Variants in HDAC9 observed in about 807,000 individuals in gnomAD.
HDAC9 encodes the protein histone deacetylase 9.
HDAC9 carries 41 observed loss-of-function variants against 139.4 expected under a neutral mutation model. The observed-to-expected ratio is 0.29, with a 90% CI of 0.23 to 0.38. The LOEUF is 0.38. Ranked by LOEUF, HDAC9 falls within the 10% of genes least tolerant of loss-of-function variation. The probability of loss-of-function intolerance (pLI) is 1.00; values close to 1 mark genes in which losing one functional copy is unlikely to be tolerated. For synonymous variants in HDAC9, 517 were observed against 476.2 expected, an observed-to-expected ratio of 1.09 and a Z score of -1.12; for missense variants, 1,147 against 1,297.0, an observed-to-expected ratio of 0.88 and a Z score of 1.78.
At chr7:18,728,462 C>T (rs531652338) in intron 13 of HDAC9, among the ~76,000 whole-genome samples, 7 of 151,658 alleles carry the variant, frequency 4.6e-5, no homozygotes, top group Non-Finnish European at 1.0e-4. Context: ...GTGCTATTCC[C>T]TCTGCAAAGG....
At chr7:18,616,507 A>G (rs17139451) in intron 6 of HDAC9, among the ~76,000 whole-genome samples, 4,485 of 152,270 alleles carry the variant, frequency 0.029, 174 homozygotes, top group African/African-American at 0.083. Context: ...TTTGCCTTTT[A>G]TATCCATTCA....
intron 21 of HDAC9, among the ~76,000 whole-genome samples, chr7:18,863,790 G>A (rs1021964883): frequency 6.6e-5 from 10 of 152,176 alleles, no homozygotes; most frequent in Non-Finnish European, 1.3e-4. Context: ...GGGTTGTCAG[G>A]AGAAGGTCTT....
chr7:18,325,667 T>C (rs534319655), intron 1 of HDAC9: 4 of 151,950 alleles, frequency 2.6e-5, no homozygotes, highest in Non-Finnish European at 5.9e-5. Context: ...TCACATGGTC[T>C]AGTGTAATCT....
intron 24 of HDAC9, among the ~76,000 whole-genome samples, chr7:18,975,375 A>G (rs1213276148): frequency 6.6e-6 from 1 of 152,162 alleles, no homozygotes; most frequent in Non-Finnish European, 1.5e-5. Flanking sequence ...TAATATTCCA[A>G]CTTCATTTTC....
At chr7:18,918,687 C>A (rs1012822217) in intron 22 of HDAC9, among the ~76,000 whole-genome samples, 1 of 152,000 alleles carries the variant, frequency 6.6e-6, no homozygotes, top group Non-Finnish European at 1.5e-5. Flanking sequence ...CCGCATAGCT[C>A]TACAAATTGT....
chr7:18,918,534 T>A (rs940677681), intron 22 of HDAC9, among the ~76,000 whole-genome samples: 1 of 152,058 alleles, frequency 6.6e-6, no homozygotes, highest in Non-Finnish European at 1.5e-5. Context: ...TTTTAGACTT[T>A]TTTCAGGTGA....
chr7:18,907,960 T>C (rs1802411756), intron 22 of HDAC9, among the ~76,000 whole-genome samples: 1 of 152,172 alleles, frequency 6.6e-6, no homozygotes. Context: ...TTAGCCATTT[T>C]TACAGTGATT....
At chr7:18,733,062 T>C (rs1249790308) in intron 13 of HDAC9, among the ~76,000 whole-genome samples, 1 of 146,094 alleles carries the variant, frequency 6.8e-6, no homozygotes, top group Non-Finnish European at 1.5e-5. Context: ...CATGTGTATA[T>C]ACGTATATAC....
chr7:18,365,280 G>GTAAATAA (rs1784092831), intron 1 of HDAC9, among the ~76,000 whole-genome samples: 1 of 152,072 alleles, frequency 6.6e-6, no homozygotes, highest in Non-Finnish European at 1.5e-5. Flanking sequence ...GATCTAGTGT[G>GTAAATAA]AACTCTGATA....
intron 1 of HDAC9, among the ~76,000 whole-genome samples, chr7:18,409,466 A>C (rs1333712784): frequency 1.3e-5 from 2 of 152,130 alleles, no homozygotes; most frequent in Non-Finnish European, 2.9e-5. Flanking sequence ...GCATAGAAGA[A>C]AATAATTAGC....
In HDAC9 at chr7:18,832,885, G is replaced by A. The variant is rs1026151026; in HGVS notation, c.2467-2582G>A. Among the ~76,000 whole-genome samples the A allele has an allele frequency of 5.9e-5, 9 of 152,122 alleles. No individual in the cohort carries two copies. In the East Asian group the frequency reaches 9.7e-4, roughly 16 times the overall value. Reference sequence around the variant, plus strand: ...CGAGTAGCTGGGATTACAGGCATGCGCCACCATACCCAGCTAATTTTTGTA... The same window carrying A: ...CGAGTAGCTGGGATTACAGGCATGCACCACCATACCCAGCTAATTTTTGTA... On this transcript the variant is annotated intron_variant, in intron 19 of 25. Transcript: ENST00000686413.
intron 2 of HDAC9, chr7:18,578,224 G>T (rs375421529): frequency 3.9e-6 from 2 of 519,044 alleles, no homozygotes; most frequent in Admixed American, 1.9e-5. Flanking sequence ...GGCTTCTTCT[G>T]AGCAGTAGTG....
At chr7:18,159,586 C>T (rs536586699) in intron 1 of HDAC9, among the ~76,000 whole-genome samples, 101 of 152,178 alleles carry the variant, frequency 6.6e-4, no homozygotes, top group African/African-American at 2.1e-3. Context: ...CATATATAGC[C>T]TATGATGTAT....
chr7:18,352,158 G>A (rs1342704929), intron 1 of HDAC9, among the ~76,000 whole-genome samples: 1 of 152,176 alleles, frequency 6.6e-6, no homozygotes, highest in Non-Finnish European at 1.5e-5. Context: ...AGTTATCTCT[G>A]AGGATCCTCA....
chr7:18,116,869 C>G (rs748878558), intron 1 of HDAC9, among the ~76,000 whole-genome samples: 8 of 152,104 alleles, frequency 5.3e-5, no homozygotes, highest in Non-Finnish European at 1.2e-4. Context: ...AATAAATGTG[C>G]TAAATTTGAT....
intron 21 of HDAC9, among the ~76,000 whole-genome samples, chr7:18,843,600 C>G (rs1796722234): frequency 6.6e-6 from 1 of 151,922 alleles, no homozygotes; most frequent in South Asian, 2.1e-4. Flanking sequence ...GTTACTTATC[C>G]TTTACTTCAT....
intron 1 of HDAC9, among the ~76,000 whole-genome samples, chr7:18,483,644 T>C (rs994682168): frequency 3.9e-5 from 6 of 152,220 alleles, no homozygotes; most frequent in Non-Finnish European, 8.8e-5. Flanking sequence ...TGGATACACA[T>C]AAGAACTTCT....
upstream of HDAC9, among the ~76,000 whole-genome samples, chr7:18,287,666 A>G (rs1438132982): frequency 6.6e-6 from 1 of 152,222 alleles, no homozygotes; most frequent in Non-Finnish European, 1.5e-5. Flanking sequence ...CTCTGCATTC[A>G]GCGCATTCCT....
intron 12 of HDAC9, among the ~76,000 whole-genome samples, chr7:18,700,541 T>C (rs4721721): frequency 0.16 from 23,595 of 152,188 alleles, 1,893 homozygotes; most frequent in East Asian, 0.21. Flanking sequence ...ATATTTACAT[T>C]TTTGGAGGAA....
Sources: allele counts gnomAD v4.1 joint callset (sites outside exome capture counted in the v4.1 genomes callset), GRCh38; gene constraint gnomAD v4.1.1; transcripts MANE v1.5; gene names NCBI Gene and HGNC (gene_info 2026-07-23, HGNC 2026-07-21).